The following LDLRAD4 variants were observed in gnomAD, a reference collection of about 807,000 sequenced individuals.
The protein encoded by LDLRAD4 is low-density lipoprotein receptor class A domain-containing protein 4.
Under a neutral mutation model 17.0 loss-of-function variants are expected in LDLRAD4, and 5 were observed. The observed-to-expected ratio is 0.29, with a 90% CI of 0.15 to 0.62. LDLRAD4 has a LOEUF of 0.62. Among genes scored for constraint, LDLRAD4 ranks in the 20% least tolerant of loss-of-function variants. LDLRAD4 has a pLI of 0.84. For synonymous variants in LDLRAD4, 168 were observed against 171.8 expected, an observed-to-expected ratio of 0.98 and a Z score of 0.17; for missense variants, 340 against 424.7, an observed-to-expected ratio of 0.80 and a Z score of 1.75.
chr18:13,569,941 A>G (rs1283091891), intron 3 of LDLRAD4, among the ~76,000 whole-genome samples: 1 of 152,184 alleles, frequency 6.6e-6, no homozygotes, highest in African/African-American at 2.4e-5. Flanking sequence ...ATAAGAAGTT[A>G]TTTATATTTA....
intron 3 of LDLRAD4, among the ~76,000 whole-genome samples, chr18:13,575,125 C>T (rs1422824343): frequency 6.6e-6 from 1 of 152,210 alleles, no homozygotes; most frequent in Non-Finnish European, 1.5e-5. Context: ...TATTTAGTTA[C>T]ATGAGAAAGT....
rs2084124999 is a variant in LDLRAD4 at position 13,367,267 on chromosome 18, C to T, written c.-382-20074C>T. Among the ~76,000 whole-genome samples the T allele has an allele frequency of 6.6e-6, 1 of 152,194 alleles. No homozygotes were observed. The highest frequency in any genetic ancestry group is 2.1e-4 in the South Asian group (1 of 4,828). On this transcript the variant is annotated intron_variant, in intron 1 of 5. Transcript: ENST00000359446. The surrounding 1 kb of genome is among the most constrained non-coding windows in gnomAD (Gnocchi z 4.1). Reference sequence around the variant, plus strand: ...ACTCCTCAGATGATTTTGGTTCACACAGAGTCAGAACCGCTGTGGCAGCGT... The same window carrying T: ...ACTCCTCAGATGATTTTGGTTCACATAGAGTCAGAACCGCTGTGGCAGCGT...
rs376369465 is a variant in LDLRAD4, at chr18:13,481,596, C to G, written c.181+43212C>G. 2.0e-4 allele frequency among the ~76,000 whole-genome samples: 30 copies of G among 152,274 alleles called. No homozygotes were observed. The East Asian group carries it at 4.1e-3, about 21-fold the overall frequency. ...TGTTCCTGTCCCCCAGTCTCCACCC[C>G]CTCCCCACCGCACGCACCTCTTCTG... is the stretch of plus-strand genomic sequence containing the variant. On this transcript the variant is annotated intron_variant, in intron 3 of 5. Transcript: ENST00000359446.
rs113050837 is a variant in LDLRAD4, at chr18:13,578,882, C to T, written c.182-42235C>T. On this transcript the variant is annotated intron_variant, in intron 3 of 5. Coordinates refer to ENST00000359446, the Ensembl canonical transcript of LDLRAD4. ...TCAGAGATCATGGTAGACCACAAATCGCTGAGTTAATAATATAATGCTATT... is the reference window on the plus strand; with the variant it reads ...TCAGAGATCATGGTAGACCACAAATTGCTGAGTTAATAATATAATGCTATT... 7.0e-3 allele frequency among the ~76,000 whole-genome samples: 726 copies of T among 103,410 alleles called. 12 individuals carry two copies. Among genetic ancestry groups the T allele is most frequent in the African/African-American group, 0.025 (691 of 28,102 alleles). The allele number at this position is 103,410 out of a possible 152,430, so 67.8% of individuals were successfully genotyped here.
chr18:13,404,257 G>C (rs1024201222), intron 2 of LDLRAD4, among the ~76,000 whole-genome samples: 1 of 152,214 alleles, frequency 6.6e-6, no homozygotes, highest in Non-Finnish European at 1.5e-5. Context: ...GGGCATCACT[G>C]TTCCCTTGCT....
intron 3 of LDLRAD4, among the ~76,000 whole-genome samples, chr18:13,556,273 G>A (rs530043503): frequency 6.6e-6 from 1 of 152,344 alleles, no homozygotes; most frequent in African/African-American, 2.4e-5. Context: ...ACTGGTCATT[G>A]TCATTTCTAC....
chr18:13,624,142 C>T (rs2040901089), intron 4 of LDLRAD4, among the ~76,000 whole-genome samples: 1 of 152,142 alleles, frequency 6.6e-6, no homozygotes, highest in Non-Finnish European at 1.5e-5. Flanking sequence ...GGTGCTGAGG[C>T]GGAGGAGCCG....
intron 3 of LDLRAD4, among the ~76,000 whole-genome samples, chr18:13,575,597 A>C (rs537515128): frequency 1.4e-4 from 22 of 152,362 alleles, no homozygotes; most frequent in African/African-American, 4.3e-4. Flanking sequence ...TAGTGGGATT[A>C]CTGGATCAAA....
chr18:13,290,212 C>T (rs1333258441), intron 1 of LDLRAD4, among the ~76,000 whole-genome samples: 4 of 152,214 alleles, frequency 2.6e-5, no homozygotes, highest in African/African-American at 9.6e-5. Flanking sequence ...TCAGGGTCCT[C>T]AGTGCCTTGA....
intron 1 of LDLRAD4, among the ~76,000 whole-genome samples, chr18:13,310,233 C>G (rs898585812): frequency 6.6e-6 from 1 of 150,630 alleles, no homozygotes; most frequent in Non-Finnish European, 1.5e-5. Context: ...ACCTGTTGTC[C>G]TAGACACTTA....
Position 13,605,024 on chromosome 18 carries a change from G to C in LDLRAD4, c.182-16093G>C, listed in dbSNP as rs79717861. On this transcript the variant is annotated intron_variant, in intron 3 of 5. Transcript: ENST00000359446. The stretch of plus-strand genomic sequence containing the variant: ...GCCGAGGCGGGGACAGAGAGAAAGC[G>C]GGGCCAGGCTCATAGGGACGGAGGC... Among the ~76,000 whole-genome samples, 1,484 of 152,274 alleles carry C rather than the reference G, an allele frequency of 9.7e-3. 30 individuals are homozygous for C. Among genetic ancestry groups the C allele is most frequent in the African/African-American group, 0.034 (1,407 of 41,546 alleles).
chr18:13,529,979 AT>A (rs2147798813), intron 3 of LDLRAD4, among the ~76,000 whole-genome samples: 1 of 152,174 alleles, frequency 6.6e-6, no homozygotes, highest in Non-Finnish European at 1.5e-5. Context: ...CTTTTGAAAT[AT>A]CTCAGATAAT....
chr18:13,349,799 A>C (rs1488608925), intron 1 of LDLRAD4, among the ~76,000 whole-genome samples: 1 of 151,186 alleles, frequency 6.6e-6, no homozygotes, highest in Non-Finnish European at 1.5e-5. Flanking sequence ...CCACCCCCCA[A>C]CTGGCCCCAG....
intron 2 of LDLRAD4, among the ~76,000 whole-genome samples, chr18:13,426,273 C>CT (rs780872742): frequency 1.5e-4 from 23 of 152,096 alleles, no homozygotes; most frequent in Non-Finnish European, 2.2e-4. Context: ...TTTTTGGTTA[C>CT]TGGGGAGATA....
chr18:13,590,024 TATGGGTGTGC>T (rs2094991844), intron 3 of LDLRAD4, among the ~76,000 whole-genome samples: 1 of 143,986 alleles, frequency 6.9e-6, no homozygotes, highest in African/African-American at 2.8e-5. Flanking sequence ...TGTGCATGTG[TATGGGTGTGC>T]ATGTGTGTGA....
At chr18:13,608,930 C>G (rs1027653599) in intron 3 of LDLRAD4, among the ~76,000 whole-genome samples, 6 of 152,206 alleles carry the variant, frequency 3.9e-5, no homozygotes, top group African/African-American at 1.4e-4. Context: ...ACCAACAACT[C>G]TTGTGAAAGT....
chr18:13,311,049 A>G (rs2047205545), intron 1 of LDLRAD4, among the ~76,000 whole-genome samples: 1 of 152,226 alleles, frequency 6.6e-6, no homozygotes, highest in Non-Finnish European at 1.5e-5. Context: ...AAGGGCAGAT[A>G]AAGGATAAGG....
chr18:13,436,543 G>A (rs955859991), intron 2 of LDLRAD4, among the ~76,000 whole-genome samples: 1 of 152,106 alleles, frequency 6.6e-6, no homozygotes, highest in African/African-American at 2.4e-5. Flanking sequence ...AGCAACACAG[G>A]GAGTACCTGT....
chr18:13,547,369 C>A (rs1306430298), intron 3 of LDLRAD4, among the ~76,000 whole-genome samples: 1 of 152,238 alleles, frequency 6.6e-6, no homozygotes, highest in Non-Finnish European at 1.5e-5. Context: ...CAGTGTCTAA[C>A]TTTGTGCGTC....
Sources: gnomAD v4.1 joint callset for allele counts (sites outside exome capture counted in the v4.1 genomes callset) on GRCh38, gnomAD v4.1.1 for gene constraint, Gnocchi (gnomAD v3.1) non-coding constraint, MANE v1.5 for transcripts, NCBI Gene and HGNC (gene_info 2026-07-23, HGNC 2026-07-21) for gene names.